Variants in DAW1 observed in about 807,000 individuals in gnomAD.
DAW1 encodes the protein dynein assembly factor with WD repeat domains 1.
A neutral mutation model predicts 56.5 loss-of-function variants in DAW1; 47 were observed. The ratio of observed to expected loss-of-function variants is 0.83; its 90% CI spans 0.66 to 1.06. The LOEUF (loss-of-function observed/expected upper bound fraction) is 1.06. Ranked by LOEUF, DAW1 falls within the 50% of genes least tolerant of loss-of-function variation. DAW1 has a pLI of 0.00. For synonymous variants in DAW1, 190 were observed against 179.0 expected, an observed-to-expected ratio of 1.06 and a Z score of -0.49; for missense variants, 505 against 499.3, an observed-to-expected ratio of 1.01 and a Z score of -0.11.
At position 227,911,261 on chromosome 2, in the gene DAW1, T is replaced by TATATATAC. The variant is rs1265635874; in HGVS notation, c.973+4014_973+4015insTACATATA. Among the ~76,000 whole-genome samples, 1,133 of 119,304 alleles carry TATATATAC rather than the reference T, an allele frequency of 9.5e-3. 147 individuals carry two copies. Among genetic ancestry groups the TATATATAC allele is most frequent in the Non-Finnish European group, 0.015 (852 of 55,522 alleles). 78.3% of individuals were successfully genotyped at this position (119,304 alleles called of 152,430 possible). ...ATACATATATACATATATACACGTG[T>TATATATAC]ATATACACATATACACGTGTATATA... is the stretch of plus-strand genomic sequence containing the variant. On this transcript the variant is annotated intron_variant, in intron 10 of 12. Transcript: ENST00000309931.
intron 1 of DAW1, among the ~76,000 whole-genome samples, chr2:227,879,207 G>T (rs115798239): frequency 6.6e-6 from 1 of 152,178 alleles, no homozygotes; most frequent in East Asian, 1.9e-4. Context: ...CACCTAACAC[G>T]TGACAGTGCC....
intron 10 of DAW1, 130 bp downstream of exon 10, chr2:227,907,382 C>T (rs773430450): frequency 5.8e-6 from 4 of 685,330 alleles, no homozygotes; most frequent in Admixed American, 5.7e-5. Context: ...TCATCTCTAT[C>T]GTGACCATGT....
At chr2:227,901,647 A>C (rs1479270363) in intron 6 of DAW1, among the ~76,000 whole-genome samples, 4 of 152,244 alleles carry the variant, frequency 2.6e-5, no homozygotes, top group Admixed American at 2.0e-4. Flanking sequence ...TGCTGCAGAT[A>C]TCAGGGAGGT....
chr2:227,898,118 C>T, intron 5 of DAW1, 64 bp from the exon 6 acceptor site: 3 of 1,095,962 alleles, frequency 2.7e-6, no homozygotes, highest in Middle Eastern at 3.0e-4. Flanking sequence ...AATATCTCAT[C>T]TTAGTTCAGT....
At chr2:227,898,789 C>A (rs545507975) in intron 6 of DAW1, among the ~76,000 whole-genome samples, 1 of 152,176 alleles carries the variant, frequency 6.6e-6, no homozygotes, top group African/African-American at 2.4e-5. Context: ...CTTGCAGATT[C>A]TGTAAAGAAC....
At chr2:227,897,100 A>G (rs114334330) in intron 5 of DAW1, among the ~76,000 whole-genome samples, 5,779 of 151,406 alleles carry the variant, frequency 0.038, 420 homozygotes, top group African/African-American at 0.13. Flanking sequence ...AAAGAAAAAA[A>G]AAAAAAAAAA....
intron 2 of DAW1, chr2:227,887,506 G>A (rs1274832701): frequency 6.6e-6 from 1 of 152,136 alleles, no homozygotes; most frequent in African/African-American, 2.4e-5. Context: ...TCTAGTTTGA[G>A]AAACAACTTG....
At chr2:227,883,910 G>GA (rs1393466677) in intron 1 of DAW1, among the ~76,000 whole-genome samples, 3 of 151,948 alleles carry the variant, frequency 2.0e-5, no homozygotes, top group Non-Finnish European at 4.4e-5. Flanking sequence ...TTTTAATATG[G>GA]AAAAAAACCA....
intron 6 of DAW1, among the ~76,000 whole-genome samples, chr2:227,902,146 C>T (rs958528605): frequency 1.2e-4 from 19 of 152,132 alleles, no homozygotes; most frequent in African/African-American, 4.3e-4. Flanking sequence ...GTGCTGAGGA[C>T]TCTACTGAGG....
At chr2:227,911,291 T>TATATACACTTGTATATATAC (rs1691818820) in intron 10 of DAW1, among the ~76,000 whole-genome samples, 1 of 141,652 alleles carries the variant, frequency 7.1e-6, no homozygotes, top group East Asian at 2.0e-4. Context: ...TATATATACA[T>TATATACACTTGTATATATAC]ATATACACGT....
rs201906804 is a variant in DAW1 at position 227,918,805 on chromosome 2, C to T, written c.999C>T (p.Ala333=). 2.7e-5 allele frequency: 43 copies of T among 1,613,950 alleles called. No individual in the cohort carries two copies. The highest frequency in any genetic ancestry group is 3.4e-6 in the Non-Finnish European group (4 of 1,180,020). ...ADGTARIFSA[A]TRKCIAKLEG... is the part of the protein sequence containing the mutation. ...GAACAGCAAGAATTTTCAGTGCTGC[C>T]ACAAGAAAATGCATTGCCAAACTGG... The change falls in exon 11 of 13, where the codon GCC becomes GCT. Residue 333 remains alanine (A), a synonymous_variant. Transcript: ENST00000309931.
intron 3 of DAW1, 142 bp from the exon 4 acceptor site, chr2:227,891,113 A>C (rs1303464759): frequency 2.9e-6 from 2 of 686,394 alleles, no homozygotes; most frequent in African/African-American, 3.6e-5. Flanking sequence ...GATGCCACAT[A>C]GCACTGTCTA....
At chr2:227,885,923 T>C (rs1335040620) in intron 2 of DAW1, among the ~76,000 whole-genome samples, 1 of 152,074 alleles carries the variant, frequency 6.6e-6, no homozygotes, top group African/African-American at 2.4e-5. Flanking sequence ...GCTGCGACCG[T>C]TTCTCAGACT....
At chr2:227,871,757 C>G in intron 1 of DAW1, 28 bp downstream of exon 1, 1 of 1,613,288 alleles carries the variant, frequency 6.2e-7, no homozygotes, top group East Asian at 2.2e-5. Flanking sequence ...CCCGTCATCC[C>G]CACGTGGGAC....
Position 227,924,261 on chromosome 2 carries a change from C to A in DAW1, c.*293C>A, listed in dbSNP as rs1012831387. The A allele has an allele frequency of 6.6e-5, 26 of 393,920 alleles. No individual in the cohort carries two copies. The highest frequency in any genetic ancestry group is 1.1e-4 in the Non-Finnish European group (24 of 218,102). 24.4% of individuals were successfully genotyped at this position (393,920 alleles called of 1,614,324 possible). A position where few individuals can be genotyped will look rare whatever the true frequency, so the allele number is the denominator to read the frequency against. On this transcript the variant is annotated 3_prime_UTR_variant, in exon 13 of 13. Coordinates refer to ENST00000309931, the MANE Select transcript of DAW1 (RefSeq NM_178821.3). ...GCATTATGATACTGAAAAAGGAGACCAGAACAACTTAACAACGTGTCTCCT... is the reference window on the plus strand; with the variant it reads ...GCATTATGATACTGAAAAAGGAGACAAGAACAACTTAACAACGTGTCTCCT...
At chr2:227,918,059 T>C (rs1451980114) in intron 10 of DAW1, among the ~76,000 whole-genome samples, 1 of 152,172 alleles carries the variant, frequency 6.6e-6, no homozygotes, top group African/African-American at 2.4e-5. Flanking sequence ...TCAATACTTA[T>C]TTATTTAACT....
Position 227,912,889 on chromosome 2 carries a change from A to C in DAW1, c.973+5637A>C, listed in dbSNP as rs116142379. Among the ~76,000 whole-genome samples, 348 of 152,304 alleles carry C rather than the reference A, an allele frequency of 2.3e-3. 2 individuals are homozygous for C. The highest frequency in any genetic ancestry group is 8.2e-3 in the African/African-American group (339 of 41,560). On this transcript the variant is annotated intron_variant, in intron 10 of 12. Transcript: ENST00000309931. ...ATCACTCCAAATTTCCTTGGCAACC[A>C]TATATGATGCCACATTTTGGGTCCT...
At chr2:227,891,138 A>G (rs1691257421) in intron 3 of DAW1, 117 bp from the exon 4 acceptor site, 6 of 842,972 alleles carry the variant, frequency 7.1e-6, no homozygotes, top group Non-Finnish European at 9.6e-6. Flanking sequence ...TAAATCAGAT[A>G]TTGCCTGTTT....
chr2:227,907,166 T>A lies in DAW1; in HGVS notation c.887T>A (p.Val296Glu). The A allele has an allele frequency of 6.2e-7, 1 of 1,613,244 alleles. No individual in the cohort carries two copies. Among genetic ancestry groups the A allele is most frequent in the Non-Finnish European group, 8.5e-7 (1 of 1,179,730 alleles). The change falls in exon 10 of 13, where the codon GTG becomes GAG. Residue 296 changes from valine (V) to glutamate (E), a missense_variant. Val to Glu is a moderately radical substitution (Grantham distance 121). Coordinates refer to ENST00000309931, the MANE Select transcript of DAW1 (RefSeq NM_178821.3). The stretch of plus-strand genomic sequence containing the variant: ...TGGGATGCTACAAATGGAAAATGTG[T>A]GGCAACCTTAACAGGCCATGATGAT... ...KLWDATNGKC[V>E]ATLTGHDDEI... is the part of the protein sequence containing the mutation.
Sources: gnomAD v4.1 joint callset for allele counts (sites outside exome capture counted in the v4.1 genomes callset) on GRCh38, gnomAD v4.1.1 for gene constraint, MANE v1.5 for transcripts, NCBI Gene and HGNC (gene_info 2026-07-23, HGNC 2026-07-21) for gene names.